The following ZDHHC15 variants were observed in gnomAD, a reference collection of about 807,000 sequenced individuals.
The protein encoded by ZDHHC15 is palmitoyltransferase ZDHHC15.
A neutral mutation model predicts 31.7 loss-of-function variants in ZDHHC15; 19 were observed. The observed-to-expected ratio is 0.60, with a 90% CI of 0.42 to 0.88. The LOEUF is 0.88. Among genes scored for constraint, ZDHHC15 ranks in the 40% least tolerant of loss-of-function variants. ZDHHC15 has a pLI of 0.00. For missense variants in ZDHHC15, 209 were observed against 251.2 expected (o/e 0.83, Z 1.14); for synonymous variants, 103 against 90.0 (o/e 1.14, Z -0.82).
intron 2 of ZDHHC15, among the ~76,000 whole-genome samples, chrX:75,492,040 G>A (rs987957332): frequency 1.6e-4 from 18 of 111,308 alleles, no homozygotes; most frequent in Non-Finnish European, 3.2e-4. Context: ...CTGTATTCAG[G>A]AAACCCATGT....
At chrX:75,465,752 A>G in intron 3 of ZDHHC15, among the ~76,000 whole-genome samples, 1 of 111,675 alleles carries the variant, frequency 9.0e-6, no homozygotes, top group Non-Finnish European at 1.9e-5. Context: ...CATATGCAGA[A>G]AATTGTAACT....
At chrX:75,395,634 T>A (rs988961446) in intron 10 of ZDHHC15, among the ~76,000 whole-genome samples, 2 of 111,771 alleles carry the variant, frequency 1.8e-5, no homozygotes, top group African/African-American at 6.5e-5. Flanking sequence ...ATCTACAGAT[T>A]AAATGCAATC....
At chrX:75,459,938 C>T (rs2084285062) in intron 3 of ZDHHC15, among the ~76,000 whole-genome samples, 1 of 112,209 alleles carries the variant, frequency 8.9e-6, no homozygotes, top group South Asian at 3.7e-4. Flanking sequence ...TGCAATGGCA[C>T]AATCTCAGTT....
intron 2 of ZDHHC15, among the ~76,000 whole-genome samples, chrX:75,496,199 T>C: frequency 9.0e-6 from 1 of 110,647 alleles, no homozygotes; most frequent in Middle Eastern, 4.7e-3. Context: ...TGAACCAGAG[T>C]AGCTATTCTT....
chrX:75,495,886 C>G (rs1274647100), intron 2 of ZDHHC15, among the ~76,000 whole-genome samples: 1 of 105,238 alleles, frequency 9.5e-6, no homozygotes, highest in Non-Finnish European at 1.9e-5. Context: ...ACATATGTAA[C>G]TAACCTGCAC....
intron 2 of ZDHHC15, among the ~76,000 whole-genome samples, chrX:75,501,229 T>C (rs2085082040): frequency 9.0e-6 from 1 of 111,176 alleles, no homozygotes; most frequent in Non-Finnish European, 1.9e-5. Flanking sequence ...GTATTTTCTG[T>C]TCGGTAAAGA....
At chrX:75,490,107 C>T (rs1335686463) in intron 2 of ZDHHC15, among the ~76,000 whole-genome samples, 1 of 111,699 alleles carries the variant, frequency 9.0e-6, no homozygotes, top group African/African-American at 3.3e-5. Context: ...ACCAAATCTA[C>T]GTCTGACTGG....
chrX:75,437,378 T>G (rs2083870450), intron 4 of ZDHHC15, among the ~76,000 whole-genome samples: 1 of 97,089 alleles, frequency 1.0e-5, no homozygotes, highest in South Asian at 5.6e-4. Context: ...GCTGGTGTGC[T>G]GCACCCACTA....
chrX:75,473,057 T>C (rs182270615), intron 3 of ZDHHC15, among the ~76,000 whole-genome samples: 4 of 111,983 alleles, frequency 3.6e-5, no homozygotes, highest in African/African-American at 6.5e-5. Context: ...GAATCCCTTA[T>C]CCACCATCAC....
intron 4 of ZDHHC15, among the ~76,000 whole-genome samples, chrX:75,433,584 C>T (rs1299580823): frequency 9.1e-6 from 1 of 109,974 alleles, no homozygotes; most frequent in Non-Finnish European, 1.9e-5. Flanking sequence ...CCAACTCCAT[C>T]CAGGTTGCTG....
At chrX:75,484,275 A>G (rs1473676735) in intron 2 of ZDHHC15, among the ~76,000 whole-genome samples, 1 of 111,722 alleles carries the variant, frequency 9.0e-6, no homozygotes, top group Non-Finnish European at 1.9e-5. Flanking sequence ...CCTTCCATTG[A>G]TTGTAATTTT....
chrX:75,497,372 C>G (rs898368900), intron 2 of ZDHHC15, among the ~76,000 whole-genome samples: 1 of 111,481 alleles, frequency 9.0e-6, no homozygotes, highest in Non-Finnish European at 1.9e-5. Flanking sequence ...AATCCAGGAC[C>G]AGATAAATTC....
chrX:75,494,035 T>C (rs1345023226), intron 2 of ZDHHC15, among the ~76,000 whole-genome samples: 26 of 111,333 alleles, frequency 2.3e-4, no homozygotes, highest in Non-Finnish European at 4.7e-4. Context: ...TAGAAAACCC[T>C]ATCATCTCAG....
chrX:75,430,488 ATATT>A (rs1439311348), intron 5 of ZDHHC15, among the ~76,000 whole-genome samples: 1 of 111,801 alleles, frequency 8.9e-6, no homozygotes, highest in Admixed American at 9.5e-5. Context: ...TGTAAAATGA[ATATT>A]TATGCTTTCA....
At position 75,408,335 on chromosome X, in the gene ZDHHC15, G is replaced by C. The variant is rs775853880; in HGVS notation, c.967+8752C>G. The stretch of plus-strand genomic sequence containing the variant: ...ATAAATTTGATGCATCACATTGACA[G>C]AACCAAGAAAAAAAGCACATGATTA... On this transcript the variant is annotated intron_variant, in intron 10 of 11. Transcript: ENST00000373367. Among the ~76,000 whole-genome samples, 11 of 112,055 alleles carry C rather than the reference G, an allele frequency of 9.8e-5. No individual in the cohort carries two copies. The East Asian group carries it at 3.0e-3, about 31-fold the overall frequency.
chrX:75,466,688 A>G (rs187968488), intron 3 of ZDHHC15, among the ~76,000 whole-genome samples: 58 of 111,703 alleles, frequency 5.2e-4, no homozygotes, highest in African/African-American at 1.7e-3. Context: ...TGTGGTACAT[A>G]TACACCATGG....
At chrX:75,493,029 C>T (rs1365956558) in intron 2 of ZDHHC15, among the ~76,000 whole-genome samples, 1 of 111,463 alleles carries the variant, frequency 9.0e-6, no homozygotes, top group East Asian at 2.8e-4. Flanking sequence ...AATTGATAGA[C>T]CGCTAGCAAG....
rs1270297026 is a variant in ZDHHC15, at chrX:75,469,650, C to A, written c.258+9241G>T. Among the ~76,000 whole-genome samples the A allele has an allele frequency of 1.1e-4, 12 of 111,953 alleles. No individual in the cohort carries two copies. In the East Asian group the frequency reaches 2.5e-3, roughly 24 times the overall value. On this transcript the variant is annotated intron_variant, in intron 3 of 11. Transcript: ENST00000373367. ...TACCAGTTCATTTGGGTTGCTTCCA[C>A]CTTTTGGCTATTGTGAATAACACTA...
chrX:75,411,236 T>A (rs1200621229), intron 10 of ZDHHC15, among the ~76,000 whole-genome samples: 10 of 108,773 alleles, frequency 9.2e-5, no homozygotes, highest in African/African-American at 3.3e-4. Flanking sequence ...TGAGATGGAG[T>A]CTGGCTCTGT....
Sources: allele counts gnomAD v4.1 joint callset (sites outside exome capture counted in the v4.1 genomes callset), GRCh38; gene constraint gnomAD v4.1.1; transcripts MANE v1.5; gene names NCBI Gene and HGNC (gene_info 2026-07-23, HGNC 2026-07-21).